PKHD1: variants seen among roughly 807,000 people sequenced by gnomAD.
The protein encoded by PKHD1 is fibrocystin.
Under a neutral mutation model 412.0 loss-of-function variants are expected in PKHD1, and 291 were observed. The ratio of observed to expected loss-of-function variants is 0.71; its 90% CI spans 0.64 to 0.78. PKHD1 has a LOEUF of 0.78. PKHD1 is among the 30% of genes least tolerant of loss of function. PKHD1 has a pLI of 0.00. For synonymous variants in PKHD1, 1,777 were observed against 1,821.5 expected (o/e 0.98, Z 0.62); for missense variants, 4,825 against 4,950.7 (o/e 0.97, Z 0.76).
intron 35 of PKHD1, among the ~76,000 whole-genome samples, chr6:51,970,837 GT>G (rs1334414174): frequency 2.0e-5 from 3 of 152,182 alleles, no homozygotes; most frequent in African/African-American, 7.2e-5. Flanking sequence ...GTACCATGCT[GT>G]TTTGGTGACC....
chr6:51,704,070 CTA>C (rs2150721066), intron 60 of PKHD1, among the ~76,000 whole-genome samples: 1 of 152,130 alleles, frequency 6.6e-6, no homozygotes, highest in African/African-American at 2.4e-5. Flanking sequence ...GCTACATCTT[CTA>C]TCTTTCTTTA....
At chr6:51,758,278 A>C (rs1787404889) in intron 55 of PKHD1, among the ~76,000 whole-genome samples, 3 of 152,144 alleles carry the variant, frequency 2.0e-5, no homozygotes, top group African/African-American at 7.2e-5. Context: ...AACCATACAC[A>C]GATGTCAAAG....
At chr6:51,889,653 G>C (rs1452062724) in intron 43 of PKHD1, among the ~76,000 whole-genome samples, 21 of 152,134 alleles carry the variant, frequency 1.4e-4, no homozygotes, top group Admixed American at 1.2e-3. Context: ...AAGGGATGAG[G>C]GACAGTATTC....
chr6:51,912,093 A>G (rs1353246222), intron 38 of PKHD1, 137 bp from the exon 39 acceptor site: 7 of 741,844 alleles, frequency 9.4e-6, no homozygotes, highest in Admixed American at 2.2e-5. Flanking sequence ...CAAATAGTGA[A>G]CTATAGACAC....
At chr6:52,086,484 A>G (rs1812812186) in intron 1 of PKHD1, among the ~76,000 whole-genome samples, 1 of 152,112 alleles carries the variant, frequency 6.6e-6, no homozygotes. Flanking sequence ...TATAAAAGCT[A>G]CAATATACTC....
At chr6:52,078,755 T>C (rs1811653328) in intron 5 of PKHD1, among the ~76,000 whole-genome samples, 1 of 152,232 alleles carries the variant, frequency 6.6e-6, no homozygotes, top group South Asian at 2.1e-4. Context: ...AAAAGGATCA[T>C]GGTGATTAAT....
At chr6:51,921,272 T>C (rs905072226) in intron 37 of PKHD1, among the ~76,000 whole-genome samples, 16 of 152,214 alleles carry the variant, frequency 1.1e-4, no homozygotes, top group Non-Finnish European at 1.5e-5. Flanking sequence ...TGCGATAAAT[T>C]ATAATTTAGT....
intron 35 of PKHD1, among the ~76,000 whole-genome samples, chr6:51,972,745 A>G (rs2127996090): frequency 6.6e-6 from 1 of 152,320 alleles, no homozygotes; most frequent in East Asian, 1.9e-4. Context: ...CACATCCGCC[A>G]CACATTGTCC....
At chr6:51,735,111 A>C (rs1456999696) in intron 60 of PKHD1, among the ~76,000 whole-genome samples, 1 of 152,216 alleles carries the variant, frequency 6.6e-6, no homozygotes, top group Admixed American at 6.5e-5. Context: ...TCTATTTGCT[A>C]CCAAGTAAAG....
chr6:51,823,505 A>G (rs1360374557), intron 52 of PKHD1, among the ~76,000 whole-genome samples: 3 of 152,194 alleles, frequency 2.0e-5, no homozygotes, highest in Non-Finnish European at 2.9e-5. Flanking sequence ...CAAGTTAGCA[A>G]GCCATAAAGA....
At chr6:52,082,652 G>T in intron 3 of PKHD1, 110 bp from the exon 4 acceptor site, 1 of 1,033,552 alleles carries the variant, frequency 9.7e-7, no homozygotes, top group Non-Finnish European at 1.5e-6. Context: ...ATTTGCCCAA[G>T]GATTAAATTA....
intron 60 of PKHD1, among the ~76,000 whole-genome samples, chr6:51,662,823 C>A (rs189904876): frequency 5.3e-5 from 8 of 152,010 alleles, no homozygotes; most frequent in Admixed American, 1.3e-4. Context: ...TTAAAGTAGA[C>A]AAATTTCTTT....
At chr6:51,671,414 C>G (rs1189275961) in intron 60 of PKHD1, among the ~76,000 whole-genome samples, 1 of 152,192 alleles carries the variant, frequency 6.6e-6, no homozygotes, top group African/African-American at 2.4e-5. Context: ...CCTTTAAGCA[C>G]TTCTCTGTAT....
intron 19 of PKHD1, among the ~76,000 whole-genome samples, 164 bp from the exon 20 acceptor site, chr6:52,054,329 T>C (rs1271411823): frequency 6.6e-6 from 1 of 152,104 alleles, no homozygotes; most frequent in African/African-American, 2.4e-5. Flanking sequence ...GAGAGACAAA[T>C]AACTTAAATT....
At chr6:51,862,726 A>G (rs1455644207) in intron 48 of PKHD1, among the ~76,000 whole-genome samples, 1 of 152,226 alleles carries the variant, frequency 6.6e-6, no homozygotes, top group Admixed American at 6.5e-5. Context: ...GTGATCAACA[A>G]GAACACTAAC....
chr6:51,994,916 C>T (rs1265183821), intron 35 of PKHD1, among the ~76,000 whole-genome samples: 1 of 152,128 alleles, frequency 6.6e-6, no homozygotes, highest in Non-Finnish European at 1.5e-5. Context: ...TCCAAGCACA[C>T]AGGTAGGTAA....
At chr6:51,807,968 A>G (rs1764105021) in intron 52 of PKHD1, among the ~76,000 whole-genome samples, 1 of 152,090 alleles carries the variant, frequency 6.6e-6, no homozygotes, top group Admixed American at 6.6e-5. Flanking sequence ...TTTGGGGGGT[A>G]ATCAAATGTT....
intron 35 of PKHD1, among the ~76,000 whole-genome samples, chr6:51,985,603 C>T (rs548315824): frequency 1.7e-4 from 26 of 152,242 alleles, no homozygotes; most frequent in Admixed American, 6.5e-4. Flanking sequence ...GTGGCAGATG[C>T]CTGTAATCCC....
At chr6:51,623,114 T>G (rs1051234329) in intron 66 of PKHD1, among the ~76,000 whole-genome samples, 4 of 152,142 alleles carry the variant, frequency 2.6e-5, no homozygotes, top group Non-Finnish European at 1.5e-5. Flanking sequence ...CTTTGTATCA[T>G]TAGTCTATAT....
Sources: gnomAD v4.1 joint callset for allele counts (sites outside exome capture counted in the v4.1 genomes callset) on GRCh38, gnomAD v4.1.1 for gene constraint, MANE v1.5 for transcripts, NCBI Gene and HGNC (gene_info 2026-07-23, HGNC 2026-07-21) for gene names.